TYW1: variants seen among roughly 807,000 people sequenced by gnomAD.
TYW1 encodes tRNA-yW synthesizing protein 1 homolog.
TYW1 carries 46 observed loss-of-function variants against 96.2 expected under a neutral mutation model. That is an observed-to-expected ratio of 0.48 (90% CI 0.38 to 0.61). TYW1 has a LOEUF of 0.61. Ranked by LOEUF, TYW1 falls within the 20% of genes least tolerant of loss-of-function variation. The pLI, the probability that TYW1 is intolerant of heterozygous loss-of-function variation, is 0.00. For missense variants in TYW1, 684 were observed against 909.6 expected, an observed-to-expected ratio of 0.75 and a Z score of 3.19; for synonymous variants, 274 against 323.0, an observed-to-expected ratio of 0.85 and a Z score of 1.63.
intron 8 of TYW1, among the ~76,000 whole-genome samples, chr7:67,050,824 ACT>A (rs1380270324): frequency 2.7e-5 from 4 of 149,902 alleles, no homozygotes; most frequent in Non-Finnish European, 4.4e-5. Context: ...TTTAAAAATG[ACT>A]CTATTTTATA....
At chr7:67,035,282 C>G (rs764130743) in intron 7 of TYW1, among the ~76,000 whole-genome samples, 2 of 151,982 alleles carry the variant, frequency 1.3e-5, no homozygotes, top group African/African-American at 2.4e-5. Context: ...CCATGCACAA[C>G]TAATTTGTAT....
intron 13 of TYW1, among the ~76,000 whole-genome samples, chr7:67,177,110 G>T (rs1204925579): frequency 6.6e-6 from 1 of 152,224 alleles, no homozygotes; most frequent in Admixed American, 6.5e-5. Context: ...AAAACCAGAA[G>T]CAGATCCTCA....
intron 15 of TYW1, among the ~76,000 whole-genome samples, chr7:67,205,822 G>A (rs570604821): frequency 1.1e-4 from 17 of 151,428 alleles, no homozygotes; most frequent in South Asian, 2.1e-4. Flanking sequence ...ATAATTGTCC[G>A]CAGCCATTGG....
At chr7:67,202,630 C>T (rs547406767) in intron 15 of TYW1, among the ~76,000 whole-genome samples, 181 of 152,232 alleles carry the variant, frequency 1.2e-3, no homozygotes, top group African/African-American at 4.1e-3. Context: ...CTCCTGGGCT[C>T]GAGCAGCCCT....
chr7:67,003,399 C>T (rs1357884668), intron 3 of TYW1, among the ~76,000 whole-genome samples: 2 of 151,566 alleles, frequency 1.3e-5, no homozygotes, highest in African/African-American at 4.9e-5. Flanking sequence ...ACTGCTACTC[C>T]CCTGGTCCAT....
At chr7:67,198,343 G>A (rs1202235160) in intron 15 of TYW1, among the ~76,000 whole-genome samples, 2 of 152,044 alleles carry the variant, frequency 1.3e-5, no homozygotes, top group Non-Finnish European at 2.9e-5. Context: ...TTGAGGTCAG[G>A]AGTTCGAGAC....
intron 12 of TYW1, among the ~76,000 whole-genome samples, chr7:67,109,273 C>CAAAAAA (rs1203625487): frequency 3.9e-4 from 19 of 49,020 alleles, no homozygotes; most frequent in Admixed American, 8.2e-4. Flanking sequence ...GACTCCGTCT[C>CAAAAAA]AAAAAAAAAA....
chr7:67,033,698 C>CTT (rs576428706), intron 7 of TYW1, among the ~76,000 whole-genome samples: 53 of 141,422 alleles, frequency 3.7e-4, no homozygotes, highest in Admixed American at 5.7e-4. Flanking sequence ...CTGGGGGACC[C>CTT]TTTTTTTTTT....
At chr7:67,101,071 A>T (rs1309537676) in intron 12 of TYW1, among the ~76,000 whole-genome samples, 3 of 151,762 alleles carry the variant, frequency 2.0e-5, no homozygotes, top group Non-Finnish European at 4.4e-5. Context: ...TGTGGGAGGG[A>T]GAGGTGGTGT....
At chr7:67,005,245 G>A (rs1793533005) in intron 3 of TYW1, among the ~76,000 whole-genome samples, 1 of 152,038 alleles carries the variant, frequency 6.6e-6, no homozygotes, top group Non-Finnish European at 1.5e-5. Flanking sequence ...GTGTCTTGGG[G>A]ATGGCCATCT....
intron 14 of TYW1, among the ~76,000 whole-genome samples, chr7:67,185,194 A>C (rs2421404): frequency 0.28 from 42,564 of 151,640 alleles, 6,471 homozygotes; most frequent in African/African-American, 0.4. Flanking sequence ...TTTCAAGCAA[A>C]GATAAGGGGA....
At chr7:67,075,438 C>G (rs570191164) in intron 10 of TYW1, among the ~76,000 whole-genome samples, 1 of 152,094 alleles carries the variant, frequency 6.6e-6, no homozygotes, top group Non-Finnish European at 1.5e-5. Flanking sequence ...GACCAGTAAG[C>G]ACATGAAAAG....
chr7:67,176,649 C>T (rs1364082434), intron 13 of TYW1, among the ~76,000 whole-genome samples: 3 of 142,616 alleles, frequency 2.1e-5, no homozygotes, highest in African/African-American at 7.9e-5. Flanking sequence ...CTATATCAGG[C>T]AGAATCATAA....
At chr7:67,096,294 G>C (rs552957012) in intron 11 of TYW1, among the ~76,000 whole-genome samples, 6 of 152,188 alleles carry the variant, frequency 3.9e-5, no homozygotes, top group African/African-American at 1.2e-4. Context: ...GGAGGCTGAG[G>C]CAGGAGAATG....
chr7:67,148,184 T>C (rs540007849), intron 13 of TYW1, among the ~76,000 whole-genome samples: 5 of 151,910 alleles, frequency 3.3e-5, no homozygotes, highest in Admixed American at 6.6e-5. Flanking sequence ...CATGGACATG[T>C]AGGTAGAGAA....
At chr7:67,092,399 C>G (rs897989844) in intron 11 of TYW1, among the ~76,000 whole-genome samples, 2 of 152,090 alleles carry the variant, frequency 1.3e-5, no homozygotes, top group African/African-American at 2.4e-5. Context: ...TTATGCCACC[C>G]TCTTCTCAAA....
At chr7:67,123,492 A>G (rs1472059046) in intron 13 of TYW1, among the ~76,000 whole-genome samples, 1 of 152,214 alleles carries the variant, frequency 6.6e-6, no homozygotes, top group Admixed American at 6.6e-5. Flanking sequence ...GAGAAATGTA[A>G]GTGTATTGCA....
chr7:67,051,590 ACTTAGAAT>A (rs1223897045), intron 8 of TYW1, among the ~76,000 whole-genome samples: 1 of 152,174 alleles, frequency 6.6e-6, no homozygotes, highest in Non-Finnish European at 1.5e-5. Flanking sequence ...AGATTTATAT[ACTTAGAAT>A]CTTAGAATCT....
intron 15 of TYW1, among the ~76,000 whole-genome samples, chr7:67,196,399 T>C (rs182351066): frequency 1.4e-3 from 211 of 152,232 alleles, no homozygotes; most frequent in African/African-American, 4.5e-3. Context: ...GTGTGTCTGT[T>C]GTCTGTCATT....
Sources: gnomAD v4.1 joint callset for allele counts (sites outside exome capture counted in the v4.1 genomes callset) on GRCh38, gnomAD v4.1.1 for gene constraint, MANE v1.5 for transcripts, NCBI Gene and HGNC (gene_info 2026-07-23, HGNC 2026-07-21) for gene names.